Variants in CES5A observed in about 807,000 individuals in gnomAD.
CES5A encodes carboxylesterase 5A, also known as carboxylesterase 5.
CES5A carries 67 observed loss-of-function variants against 62.9 expected under a neutral mutation model. The observed-to-expected ratio is 1.07, with a 90% CI of 0.88 to 1.31. CES5A has a LOEUF of 1.31. Among genes scored for constraint, CES5A ranks in the 50% most tolerant of loss-of-function variants. CES5A has a pLI of 0.00. For missense variants in CES5A, 748 were observed against 708.5 expected, an observed-to-expected ratio of 1.06 and a Z score of -0.63; for synonymous variants, 296 against 280.8, an observed-to-expected ratio of 1.05 and a Z score of -0.54.
intron 1 of CES5A, among the ~76,000 whole-genome samples, chr16:55,886,311 C>T (rs1338223404): frequency 6.6e-6 from 1 of 152,184 alleles, no homozygotes; most frequent in Non-Finnish European, 1.5e-5. Flanking sequence ...ACTCAGGGGC[C>T]TGGGAAGTGA....
chr16:55,873,740 G>A, intron 2 of CES5A, 93 bp downstream of exon 2: 2 of 1,174,044 alleles, frequency 1.7e-6, no homozygotes, highest in Non-Finnish European at 2.4e-6. Context: ...CCCCATCCAT[G>A]CCAATCCCTC....
Position 55,852,755 on chromosome 16 carries a change from C to T in CES5A, c.1273+126G>A, listed in dbSNP as rs191614073. On this transcript the variant is annotated intron_variant, in intron 10 of 12. Transcript: ENST00000290567. ...CATGGCATGTTTCCATCCAGGCACA[C>T]CTGGAAATGCACTTTCCATGATAGA... 2.0e-3 allele frequency: 2,128 copies of T among 1,068,552 alleles called. 35 individuals are homozygous for T. The South Asian group carries it at 0.025, about 12-fold the overall frequency. 66.2% of individuals were successfully genotyped at this position (1,068,552 alleles called of 1,614,324 possible). A position where few individuals can be genotyped will look rare whatever the true frequency, so the allele number is the denominator to read the frequency against.
chr16:55,932,414 C>T (rs1263765100), intron 2 of CES5A, among the ~76,000 whole-genome samples: 13 of 152,198 alleles, frequency 8.5e-5, no homozygotes, highest in Admixed American at 7.2e-4. Context: ...GAATACAGGT[C>T]TCTGTTCTTG....
chr16:55,876,223 T>A (rs766579571), upstream of CES5A, among the ~76,000 whole-genome samples: 31 of 152,234 alleles, frequency 2.0e-4, no homozygotes, highest in Non-Finnish European at 4.0e-4. Flanking sequence ...ATTTGTACCA[T>A]TCCCACTACC....
intron 2 of CES5A, among the ~76,000 whole-genome samples, chr16:55,947,933 G>A (rs1489696633): frequency 2.0e-5 from 3 of 152,008 alleles, no homozygotes; most frequent in Non-Finnish European, 4.4e-5. Flanking sequence ...ATTGGAGAGC[G>A]CTGAGCCAAG....
intron 12 of CES5A, 39 bp downstream of exon 12, chr16:55,846,729 C>T (rs1225646458): frequency 1.9e-6 from 3 of 1,613,386 alleles, no homozygotes; most frequent in East Asian, 2.2e-5. Context: ...TCCTCACACC[C>T]CAGGCCTTGG....
At chr16:55,919,768 G>T (rs1163698889) in intron 1 of CES5A, among the ~76,000 whole-genome samples, 10 of 152,146 alleles carry the variant, frequency 6.6e-5, no homozygotes, top group African/African-American at 2.4e-4. Flanking sequence ...AGGTGAGTTG[G>T]ACATAAACCA....
In CES5A at chr16:55,892,717, AC is replaced by A. The variant is rs1432134383; in HGVS notation, c.-255-18681del. Among the ~76,000 whole-genome samples, 398 of 138,656 alleles carry A rather than the reference AC, an allele frequency of 2.9e-3. 1 individual carries two copies. Among genetic ancestry groups the A allele is most frequent in the Non-Finnish European group, 5.2e-3 (314 of 60,704 alleles). 91.0% of individuals were successfully genotyped at this position (138,656 alleles called of 152,430 possible). A position where few individuals can be genotyped will look rare whatever the true frequency, so the allele number is the denominator to read the frequency against. On this transcript the variant is annotated intron_variant, in intron 1 of 12. Coordinates refer to the CES5A transcript ENST00000518005. ...AAAAGCTCACACTCTAACAACAACA[AC>A]AACAACAAAAAAAAATAGTGGATAG...
chr16:55,904,855 T>C (rs1222957613), intron 1 of CES5A, among the ~76,000 whole-genome samples: 2 of 152,178 alleles, frequency 1.3e-5, no homozygotes, highest in Non-Finnish European at 2.9e-5. Context: ...CCCATGTTTC[T>C]AATCCATACC....
intron 11 of CES5A, among the ~76,000 whole-genome samples, chr16:55,848,280 G>GTTA (rs1276220032): frequency 1.3e-4 from 19 of 151,312 alleles, no homozygotes; most frequent in African/African-American, 4.6e-4. Context: ...AATTTTGTTT[G>GTTA]TTATTATTAT....
At chr16:55,879,005 T>C (rs1476720702), upstream of CES5A, among the ~76,000 whole-genome samples, 3 of 128,352 alleles carry the variant, frequency 2.3e-5, no homozygotes, top group Non-Finnish European at 4.8e-5. Flanking sequence ...ATCCCACCAC[T>C]TCACCCCATC....
At chr16:55,927,629 G>T (rs946811591), upstream of CES5A, among the ~76,000 whole-genome samples, 4 of 152,200 alleles carry the variant, frequency 2.6e-5, no homozygotes, top group Non-Finnish European at 5.9e-5. Flanking sequence ...AGATGTTGGT[G>T]TGGATGCAGT....
chr16:55,850,791 G>C (rs2033115724), intron 10 of CES5A, among the ~76,000 whole-genome samples: 1 of 152,104 alleles, frequency 6.6e-6, no homozygotes, highest in Non-Finnish European at 1.5e-5. Flanking sequence ...ACCTTTTTGA[G>C]GAACGGCCAC....
chr16:55,858,818 G>T (rs115699837), intron 8 of CES5A, among the ~76,000 whole-genome samples: 1 of 152,138 alleles, frequency 6.6e-6, no homozygotes, highest in African/African-American at 2.4e-5. Context: ...GTCTTCCTAT[G>T]CCACGGAATC....
intron 1 of CES5A, among the ~76,000 whole-genome samples, chr16:55,911,535 A>G (rs996708785): frequency 3.9e-5 from 6 of 152,218 alleles, no homozygotes; most frequent in Non-Finnish European, 8.8e-5. Context: ...TCACAACACA[A>G]CAGAAGTGTT....
In CES5A at chr16:55,951,103, C is replaced by CAAAAAAAAAAA. The variant is rs55951124; in HGVS notation, c.43-1212_43-1202dup. 9.9e-4 allele frequency among the ~76,000 whole-genome samples: 44 copies of CAAAAAAAAAAA among 44,374 alleles called. 3 individuals are homozygous for CAAAAAAAAAAA. The highest frequency in any genetic ancestry group is 5.2e-3 in the African/African-American group (42 of 8,138). 29.1% of individuals were successfully genotyped at this position (44,374 alleles called of 152,430 possible). A position where few individuals can be genotyped will look rare whatever the true frequency, so the allele number is the denominator to read the frequency against. On this transcript the variant is annotated intron_variant, in intron 1 of 13. Transcript: ENST00000521992. ...CCTGGGAGACAGCGAGACTCCATCT[C>CAAAAAAAAAAA]AAAAAAAAAAAAAAAAAAAAAAAAA...
intron 1 of CES5A, among the ~76,000 whole-genome samples, chr16:55,882,101 C>T (rs151285702): frequency 5.3e-5 from 8 of 152,214 alleles, no homozygotes; most frequent in Non-Finnish European, 1.0e-4. Flanking sequence ...AATGAAAAAT[C>T]CCTTACTAGA....
chr16:55,867,039 C>T (rs2033480095), intron 4 of CES5A, among the ~76,000 whole-genome samples: 1 of 152,056 alleles, frequency 6.6e-6, no homozygotes, highest in Admixed American at 6.5e-5. Context: ...AAAAGCTGAC[C>T]TCTAGGAATG....
rs780292496 is a variant in CES5A, at chr16:55,846,492, G to A, written c.1687C>T (p.Leu563Phe). Residue 563 changes from leucine to phenylalanine, a missense_variant, in exon 13 of 13, where the codon CTC becomes TTC. Transcript: ENST00000290567. ...LHSPLSSLTF[L>F]SLLQPFFFFC... The stretch of plus-strand genomic sequence containing the variant: ...AAAAAGAAAGGCTGGAGGAGAGAGA[G>A]GAAAGTTAAGGAAGAAAGAGGACTG... 6.2e-7 allele frequency: 1 copy of A among 1,613,950 alleles called. No individual in the cohort carries two copies. Among genetic ancestry groups the A allele is most frequent in the Admixed American group, 1.7e-5 (1 of 60,026 alleles).
Sources: allele counts gnomAD v4.1 joint callset (sites outside exome capture counted in the v4.1 genomes callset), GRCh38; gene constraint gnomAD v4.1.1; transcripts MANE v1.5; gene names NCBI Gene and HGNC (gene_info 2026-07-23, HGNC 2026-07-21).